CDIPT: variants seen among roughly 807,000 people sequenced by gnomAD.
CDIPT encodes PI synthase.
A neutral mutation model predicts 21.6 loss-of-function variants in CDIPT; 17 were observed. The ratio of observed to expected loss-of-function variants is 0.79; its 90% CI spans 0.54 to 1.18. The LOEUF (loss-of-function observed/expected upper bound fraction) is 1.18, where lower values mean the gene tolerates loss of function less well. Among genes scored for constraint, CDIPT ranks in the 50% most tolerant of loss-of-function variants. The pLI is 0.00. For synonymous variants in CDIPT, 119 were observed against 117.9 expected (o/e 1.01, Z -0.06); for missense variants, 254 against 284.9 (o/e 0.89, Z 0.78).
rs943337202 is a variant in CDIPT at position 29,859,039 on chromosome 16, G to A, written c.*150C>T. On this transcript the variant is annotated 3_prime_UTR_variant, in exon 6 of 6. Coordinates refer to ENST00000219789, the MANE Select transcript of CDIPT (RefSeq NM_006319.5). This position sits in a 1 kb window ranked among gnomAD's most constrained non-coding sequence, Gnocchi z 4.5. ...TCCTCAGGATCCCAGAGAACGTGAC[G>A]TCACCAAAGAGAGGCTGACCCCCAT... 22 of 842,614 alleles carry A rather than the reference G, an allele frequency of 2.6e-5. No homozygotes were observed. Among genetic ancestry groups the A allele is most frequent in the East Asian group, 1.1e-4 (4 of 36,690 alleles). The allele number at this position is 842,614 out of a possible 1,614,324, so 52.2% of individuals were successfully genotyped here. A position where few individuals can be genotyped will look rare whatever the true frequency, so the allele number is the denominator to read the frequency against.
At position 29,858,646 on chromosome 16, in the gene CDIPT, C is replaced by CG. The variant is rs1407374740; in HGVS notation, c.*542dup. ...ACTGGAGGAAAAGCACCCAGACGGA[C>CG]GTCCTTCCCTAAGCTCCCTCAACCC... On this transcript the variant is annotated 3_prime_UTR_variant, in exon 6 of 6. Coordinates refer to ENST00000219789, the MANE Select transcript of CDIPT (RefSeq NM_006319.5). 1 of 154,748 alleles carries CG rather than the reference C, an allele frequency of 6.5e-6. No homozygotes were observed. The highest frequency in any genetic ancestry group is 1.4e-5 in the Non-Finnish European group (1 of 69,516). The allele number at this position is 154,748 out of a possible 1,614,324, so 9.6% of individuals were successfully genotyped here.
Position 29,859,404 on chromosome 16 carries a change from C to T in CDIPT, c.496+38G>A. ...CTCCATCTCCCTGGGCAGGCCAGAT[C>T]CCCCTCCCATCCTCCTGCCCAGCCC... On this transcript the variant is annotated intron_variant, in intron 5 of 5. Coordinates refer to ENST00000219789, the MANE Select transcript of CDIPT (RefSeq NM_006319.5). The surrounding 1 kb of genome is among the most constrained non-coding windows in gnomAD (Gnocchi z 4.5). The T allele has an allele frequency of 1.3e-6, 2 of 1,598,962 alleles. No individual in the cohort carries two copies. Among genetic ancestry groups the T allele is most frequent in the Non-Finnish European group, 1.7e-6 (2 of 1,170,206 alleles).
rs1452345947 is a variant in CDIPT at position 29,862,780 on chromosome 16, C to T, written c.43+35G>A. On this transcript the variant is annotated intron_variant, in intron 1 of 5. Coordinates refer to ENST00000219789, the MANE Select transcript of CDIPT (RefSeq NM_006319.5). The surrounding 1 kb of genome is among the most constrained non-coding windows in gnomAD (Gnocchi z 6.7). The stretch of plus-strand genomic sequence containing the variant: ...AGGGAGCCCGCCAAGGCCCCTCGCC[C>T]TCTCGTTCGGCCCGGGGCCGTGGGC... 6.2e-7 allele frequency: 1 copy of T among 1,613,888 alleles called. No individual in the cohort carries two copies. The highest frequency in any genetic ancestry group is 1.7e-5 in the Admixed American group (1 of 60,008).
rs1241842222 is a variant in CDIPT at position 29,861,119 on chromosome 16, G to A, written c.319C>T (p.Leu107=). The change falls in exon 3 of 6, where the codon CTG becomes TTG. Residue 107 remains leucine (L), a synonymous_variant. Transcript: ENST00000219789. ...ATCGCAGCAGACCTGTGGAGGTGCA[G>A]CCAGTGACTGGCCACATCCAAACTC... is the stretch of plus-strand genomic sequence containing the variant. The part of the protein sequence containing the change: ...SMSLDVASHW[L]HLHSSVVRGS... The A allele has an allele frequency of 3.7e-6, 6 of 1,614,014 alleles. No individual in the cohort carries two copies. The African/African-American group carries it at 8.0e-5, about 22-fold the overall frequency.
chr16:29,859,091 AAGG>A lies in CDIPT; in HGVS notation c.*95_*97del. The A allele has an allele frequency of 2.3e-6, 3 of 1,294,374 alleles. No individual in the cohort carries two copies. The highest frequency in any genetic ancestry group is 2.6e-4 in the Middle Eastern group (1 of 3,884). The allele number at this position is 1,294,374 out of a possible 1,614,324, so 80.2% of individuals were successfully genotyped here. A position where few individuals can be genotyped will look rare whatever the true frequency, so the allele number is the denominator to read the frequency against. ...CCAGCAGGTAGAACAACACATGAGG[AAGG>A]CGTGAGACTGGGACCTCCTAGCAGG... is the stretch of plus-strand genomic sequence containing the variant. On this transcript the variant is annotated 3_prime_UTR_variant, in exon 6 of 6. Transcript: ENST00000219789. This position sits in a 1 kb window ranked among gnomAD's most constrained non-coding sequence, Gnocchi z 4.5.
rs2067665093 is a variant in CDIPT at position 29,859,821 on chromosome 16, C to A, written c.415-298G>T. 1.3e-5 allele frequency among the ~76,000 whole-genome samples: 2 copies of A among 151,896 alleles called. No homozygotes were observed. Among genetic ancestry groups the A allele is most frequent in the Non-Finnish European group, 2.9e-5 (2 of 67,994 alleles). On this transcript the variant is annotated intron_variant, in intron 4 of 5. Coordinates refer to ENST00000219789, the MANE Select transcript of CDIPT (RefSeq NM_006319.5). This position sits in a 1 kb window ranked among gnomAD's most constrained non-coding sequence, Gnocchi z 4.5. ...AGGAGTTTGGGACCAGCCTGGCCAA[C>A]GTGGCGAAACCCCTCTCTACTAACA...
In CDIPT at chr16:29,858,920, A is replaced by G. The variant is rs959775391; in HGVS notation, c.*269T>C. On this transcript the variant is annotated 3_prime_UTR_variant, in exon 6 of 6. Transcript: ENST00000219789. ...AGCATCTCGGACCCCAGGACTGAGC[A>G]GGCAGGGTGTGACACTGCCCGGTCC... 6.0e-6 allele frequency: 3 copies of G among 502,452 alleles called. No individual in the cohort carries two copies. The highest frequency in any genetic ancestry group is 2.0e-5 in the African/African-American group (1 of 51,108). 31.1% of individuals were successfully genotyped at this position (502,452 alleles called of 1,614,324 possible). A position where few individuals can be genotyped will look rare whatever the true frequency, so the allele number is the denominator to read the frequency against.
In CDIPT at chr16:29,862,898, G is replaced by A; in HGVS notation, c.-41C>T. The A allele has an allele frequency of 1.2e-6, 2 of 1,606,968 alleles. No individual in the cohort carries two copies. Among genetic ancestry groups the A allele is most frequent in the South Asian group, 1.1e-5 (1 of 90,814 alleles). On this transcript the variant is annotated 5_prime_UTR_variant, in exon 1 of 6. Transcript: ENST00000219789. This position sits in a 1 kb window ranked among gnomAD's most constrained non-coding sequence, Gnocchi z 6.7. ...GCTGCCCCGGGCCTGCTCTGGAGAT[G>A]CCAGTGCTGTCCCAGCCCCGCAGCG...
intron 2 of CDIPT, 82 bp from the exon 3 acceptor site, chr16:29,861,341 AG>A (rs780004961): frequency 1.3e-6 from 2 of 1,582,714 alleles, no homozygotes; most frequent in Non-Finnish European, 1.7e-6. Flanking sequence ...ACTCTGACGC[AG>A]GGTGTAAACG....
chr16:29,859,559 G>A lies in CDIPT; in HGVS notation c.415-36C>T. ...AGCAAACAGGCCACGTTAGCAAGAGGCAGGCGTGTGCCACCCCCTGCCCCC... is the reference window on the plus strand; with the variant it reads ...AGCAAACAGGCCACGTTAGCAAGAGACAGGCGTGTGCCACCCCCTGCCCCC... On this transcript the variant is annotated intron_variant, in intron 4 of 5. Transcript: ENST00000219789. The surrounding 1 kb of genome is among the most constrained non-coding windows in gnomAD (Gnocchi z 4.5). The A allele has an allele frequency of 7.0e-7, 1 of 1,419,770 alleles. No homozygotes were observed. Among genetic ancestry groups the A allele is most frequent in the South Asian group, 1.2e-5 (1 of 86,484 alleles). 87.9% of individuals were successfully genotyped at this position (1,419,770 alleles called of 1,614,324 possible).
At chr16:29,860,513 A>C in intron 4 of CDIPT, 68 bp downstream of exon 4, 1 of 1,038,068 alleles carries the variant, frequency 9.6e-7, no homozygotes, top group Non-Finnish European at 1.5e-6. Context: ...CTAGGCTAGG[A>C]CCAGGATTCA....
chr16:29,860,863 C>T, intron 3 of CDIPT: 3 of 619,072 alleles, frequency 4.8e-6, no homozygotes, highest in Non-Finnish European at 8.6e-6. Context: ...TTCCTATAAG[C>T]TGTCACCTAT....
chr16:29,862,615 T>C lies in CDIPT; in HGVS notation c.149A>G (p.Asp50Gly), dbSNP rs780149443. The C allele has an allele frequency of 2.9e-5, 46 of 1,596,836 alleles. No individual in the cohort carries two copies. In the Admixed American group the frequency reaches 6.7e-4, roughly 23 times the overall value. ...ATTAAGAGCGCGAGCAGCGTGTCCA[T>C]CGAAAGCGTCCAGCAGGCCGCTGAG... ...YLLSGLLDAF[D>G]GHAARALNQG... Residue 50 changes from aspartate (D) to glycine (G), a missense_variant, in exon 2 of 6, where the codon GAT becomes GGT. By Grantham distance (94) the Asp-to-Gly change is moderately conservative. Transcript: ENST00000219789. The surrounding 1 kb of genome is among the most constrained non-coding windows in gnomAD (Gnocchi z 6.7).
chr16:29,862,503 C>G lies in CDIPT; in HGVS notation c.178+83G>C. ...TTCCAGAGATGGGAATGACAGCCCT[C>G]TGACTCTGAGGTCCCGAGGAGGCAG... is the stretch of plus-strand genomic sequence containing the variant. On this transcript the variant is annotated intron_variant, in intron 2 of 5. Coordinates refer to ENST00000219789, the MANE Select transcript of CDIPT (RefSeq NM_006319.5). This position sits in a 1 kb window ranked among gnomAD's most constrained non-coding sequence, Gnocchi z 6.7. The G allele has an allele frequency of 2.8e-6, 4 of 1,406,964 alleles. No homozygotes were observed. The highest frequency in any genetic ancestry group is 3.9e-6 in the Non-Finnish European group (4 of 1,023,728). 87.2% of individuals were successfully genotyped at this position (1,406,964 alleles called of 1,614,324 possible).
Position 29,862,789 on chromosome 16 carries a change from G to T in CDIPT, c.43+26C>A. Reference sequence around the variant, plus strand: ...GCCAAGGCCCCTCGCCCTCTCGTTCGGCCCGGGGCCGTGGGCAGCACTCAC... The same window carrying T: ...GCCAAGGCCCCTCGCCCTCTCGTTCTGCCCGGGGCCGTGGGCAGCACTCAC... On this transcript the variant is annotated intron_variant, in intron 1 of 5. Transcript: ENST00000219789. The surrounding 1 kb of genome is among the most constrained non-coding windows in gnomAD (Gnocchi z 6.7). 6.2e-7 allele frequency: 1 copy of T among 1,613,930 alleles called. No homozygotes were observed. The highest frequency in any genetic ancestry group is 1.1e-5 in the South Asian group (1 of 91,060).
chr16:29,862,747 G>A lies in CDIPT; in HGVS notation c.44-27C>T. ...TTGGAACGGGACGCGGGGAGACAGG[G>A]CAGGATCAGGGAGCCCGCCAAGGCC... is the stretch of plus-strand genomic sequence containing the variant. On this transcript the variant is annotated intron_variant, in intron 1 of 5. Transcript: ENST00000219789. The surrounding 1 kb of genome is among the most constrained non-coding windows in gnomAD (Gnocchi z 6.7). 6.2e-7 allele frequency: 1 copy of A among 1,613,836 alleles called. No homozygotes were observed. The highest frequency in any genetic ancestry group is 8.5e-7 in the Non-Finnish European group (1 of 1,179,834).
chr16:29,861,472 C>G, intron 2 of CDIPT: 1 of 1,536,504 alleles, frequency 6.5e-7, no homozygotes, highest in South Asian at 1.2e-5. Context: ...GTGGAGGGAA[C>G]AGGGTAGGAG....
chr16:29,861,731 G>T, intron 2 of CDIPT: 3 of 532,960 alleles, frequency 5.6e-6, no homozygotes, highest in Non-Finnish European at 6.7e-6. Flanking sequence ...ACTGTTTTTT[G>T]TTTTTTGTTT....
Position 29,862,444 on chromosome 16 carries a change from A to G in CDIPT, c.178+142T>C. ...CTCAAAAACAAAAAAACAAAACACA[A>G]AACAAAAAGCCCCAGGCCATCCTGT... On this transcript the variant is annotated intron_variant, in intron 2 of 5. Transcript: ENST00000219789. The surrounding 1 kb of genome is among the most constrained non-coding windows in gnomAD (Gnocchi z 6.7). 1 of 889,826 alleles carries G rather than the reference A, an allele frequency of 1.1e-6. No individual in the cohort carries two copies. 55.1% of individuals were successfully genotyped at this position (889,826 alleles called of 1,614,324 possible). A position where few individuals can be genotyped will look rare whatever the true frequency, so the allele number is the denominator to read the frequency against.
Sources: gnomAD v4.1 joint callset for allele counts (sites outside exome capture counted in the v4.1 genomes callset) on GRCh38, gnomAD v4.1.1 for gene constraint, Gnocchi (gnomAD v3.1) non-coding constraint, MANE v1.5 for transcripts, NCBI Gene and HGNC (gene_info 2026-07-23, HGNC 2026-07-21) for gene names.